The following KIAA1549L variants were observed in gnomAD, a reference collection of about 807,000 sequenced individuals.
The protein encoded by KIAA1549L is UPF0606 protein KIAA1549L.
KIAA1549L carries 88 observed loss-of-function variants against 160.7 expected under a neutral mutation model. The observed-to-expected ratio is 0.55, with a 90% confidence interval of 0.46 to 0.65. The LOEUF is 0.65. KIAA1549L is among the 30% of genes least tolerant of loss of function. The pLI is 0.00. For missense variants in KIAA1549L, 2,258 were observed against 2,437.5 expected, an observed-to-expected ratio of 0.93 and a Z score of 1.55; for synonymous variants, 950 against 976.7, an observed-to-expected ratio of 0.97 and a Z score of 0.51.
At chr11:33,634,614 G>A (rs1157944590) in intron 16 of KIAA1549L, among the ~76,000 whole-genome samples, 1 of 152,178 alleles carries the variant, frequency 6.6e-6, no homozygotes, top group East Asian at 1.9e-4. Context: ...AAGTTGAGCT[G>A]GCACCTAAGA....
intron 1 of KIAA1549L, among the ~76,000 whole-genome samples, chr11:33,452,138 A>G (rs1190787701): frequency 6.6e-6 from 1 of 152,118 alleles, no homozygotes; most frequent in Non-Finnish European, 1.5e-5. Context: ...CCAAAAAACC[A>G]TCTTCATTTG....
At chr11:33,459,170 C>A (rs768972260) in intron 1 of KIAA1549L, among the ~76,000 whole-genome samples, 1 of 152,140 alleles carries the variant, frequency 6.6e-6, no homozygotes, top group Non-Finnish European at 1.5e-5. Flanking sequence ...AATTGATAAT[C>A]GTGTGGAAGA....
chr11:33,524,651 A>G (rs929998790), intron 1 of KIAA1549L, among the ~76,000 whole-genome samples: 4 of 152,190 alleles, frequency 2.6e-5, no homozygotes, highest in African/African-American at 9.7e-5. Flanking sequence ...AGAGTGTTAA[A>G]AATTCTTTGA....
At chr11:33,398,828 T>C (rs1336868679) in intron 1 of KIAA1549L, among the ~76,000 whole-genome samples, 1 of 152,256 alleles carries the variant, frequency 6.6e-6, no homozygotes, top group Non-Finnish European at 1.5e-5. Context: ...AAGTTCCTAG[T>C]TGACATATTA....
rs1483227373 is a variant in KIAA1549L at position 33,435,768 on chromosome 11, A to G, written c.238+58879A>G. Among the ~76,000 whole-genome samples the G allele has an allele frequency of 5.0e-3, 31 of 6,196 alleles. 2 individuals carry two copies. Among genetic ancestry groups the G allele is most frequent in the African/African-American group, 0.029 (30 of 1,052 alleles). The allele number at this position is 6,196 out of a possible 152,430, so 4.1% of individuals were successfully genotyped here. A position where few individuals can be genotyped will look rare whatever the true frequency, so the allele number is the denominator to read the frequency against. On this transcript the variant is annotated intron_variant, in intron 1 of 20. Coordinates refer to ENST00000658780, the MANE Select transcript of KIAA1549L (RefSeq NM_012194.3). ...GAAACAGAACCAATAAGATATATAT[A>G]TATATATATATATATATATATATAT... is the stretch of plus-strand genomic sequence containing the variant.
At chr11:33,382,965 AGT>A (rs1295899378) in intron 1 of KIAA1549L, among the ~76,000 whole-genome samples, 2 of 152,214 alleles carry the variant, frequency 1.3e-5, no homozygotes, top group African/African-American at 2.4e-5. Flanking sequence ...AAAAGAAGAA[AGT>A]GTATTAAATA....
chr11:33,553,382 C>T (rs1416294885), intron 6 of KIAA1549L, among the ~76,000 whole-genome samples: 4 of 152,136 alleles, frequency 2.6e-5, no homozygotes, highest in East Asian at 3.9e-4. Flanking sequence ...TCATCTAGCC[C>T]CCAATTAACT....
intron 9 of KIAA1549L, among the ~76,000 whole-genome samples, chr11:33,572,115 C>T (rs180909662): frequency 6.6e-6 from 1 of 152,108 alleles, no homozygotes; most frequent in East Asian, 1.9e-4. Context: ...CAGCTCACTG[C>T]AACCTCCGCC....
In KIAA1549L at chr11:33,658,794, C is replaced by T; in HGVS notation, c.5903C>T (p.Thr1968Ile). The change falls in exon 19 of 21, where the codon ACA (threonine) becomes ATA (isoleucine). Residue 1968 changes from threonine to isoleucine, a missense_variant. Thr to Ile is a moderately conservative substitution (Grantham distance 89). Transcript: ENST00000658780. ...AGCAAGACCAGAATGGCCGAGTCTA[C>T]AGGGCCCGAGCCGGCCCAGCTGCAC... ...IGSKTRMAES[T>I]GPEPAQLHDS... 1.3e-6 allele frequency: 2 copies of T among 1,568,918 alleles called. No homozygotes were observed. Among genetic ancestry groups the T allele is most frequent in the African/African-American group, 1.4e-5 (1 of 73,536 alleles).
At chr11:33,599,915 C>T (rs1850309881) in intron 13 of KIAA1549L, among the ~76,000 whole-genome samples, 2 of 152,222 alleles carry the variant, frequency 1.3e-5, no homozygotes, top group Non-Finnish European at 2.9e-5. Context: ...CTGCACTTCC[C>T]TTTCAAAGGA....
chr11:33,578,957 T>C (rs1464761981), intron 10 of KIAA1549L, among the ~76,000 whole-genome samples: 1 of 152,184 alleles, frequency 6.6e-6, no homozygotes, highest in Non-Finnish European at 1.5e-5. Context: ...CTGGTTCTAT[T>C]CTTGTGAAGG....
chr11:33,485,005 G>C (rs1852491320), intron 1 of KIAA1549L, among the ~76,000 whole-genome samples: 1 of 152,190 alleles, frequency 6.6e-6, no homozygotes, highest in Non-Finnish European at 1.5e-5. Flanking sequence ...AGGTCAGAAG[G>C]CTTCCTTCAT....
chr11:33,459,789 G>A (rs1272696341), intron 1 of KIAA1549L, among the ~76,000 whole-genome samples: 2 of 150,160 alleles, frequency 1.3e-5, no homozygotes, highest in Non-Finnish European at 3.0e-5. Flanking sequence ...GTGAAACCCC[G>A]TCTCTACTAA....
chr11:33,408,968 A>G (rs1172256748), intron 1 of KIAA1549L, among the ~76,000 whole-genome samples: 1 of 151,046 alleles, frequency 6.6e-6, no homozygotes, highest in Non-Finnish European at 1.5e-5. Context: ...AAAAAAAAAA[A>G]AAATTAGGTA....
At chr11:33,577,156 C>G (rs144511740) in intron 10 of KIAA1549L, among the ~76,000 whole-genome samples, 53 of 151,954 alleles carry the variant, frequency 3.5e-4, no homozygotes, top group African/African-American at 1.3e-3. Flanking sequence ...AACTGCGTGT[C>G]GATTTATATT....
At chr11:33,520,147 A>G (rs959404316) in intron 1 of KIAA1549L, among the ~76,000 whole-genome samples, 1 of 152,124 alleles carries the variant, frequency 6.6e-6, no homozygotes, top group Non-Finnish European at 1.5e-5. Flanking sequence ...GTAAGAGCAC[A>G]TAACATAAAG....
intron 1 of KIAA1549L, among the ~76,000 whole-genome samples, chr11:33,492,910 A>G (rs1002822162): frequency 6.6e-6 from 1 of 152,008 alleles, no homozygotes; most frequent in African/African-American, 2.4e-5. Context: ...ACTAATGTGG[A>G]GGGAGGAGGG....
chr11:33,556,228 C>T (rs1026339765), intron 6 of KIAA1549L, among the ~76,000 whole-genome samples: 2 of 152,130 alleles, frequency 1.3e-5, no homozygotes, highest in Non-Finnish European at 1.5e-5. Context: ...AATAGTGCAT[C>T]CCCCGTGGAA....
Position 33,673,055 on chromosome 11 carries a change from A to G in KIAA1549L, c.*4901A>G, listed in dbSNP as rs1334470363. ...AAAGGCCTCTTGATTTCTTAGGTGAACTGTTACAGAATCCTAGCCTGTGGT... is the reference window on the plus strand; with the variant it reads ...AAAGGCCTCTTGATTTCTTAGGTGAGCTGTTACAGAATCCTAGCCTGTGGT... On this transcript the variant is annotated 3_prime_UTR_variant, in exon 21 of 21. Transcript: ENST00000658780. The G allele has an allele frequency of 6.6e-6, 1 of 152,234 alleles. No individual in the cohort carries two copies. The highest frequency in any genetic ancestry group is 1.5e-5 in the Non-Finnish European group (1 of 68,040). 9.4% of individuals were successfully genotyped at this position (152,234 alleles called of 1,614,324 possible). A position where few individuals can be genotyped will look rare whatever the true frequency, so the allele number is the denominator to read the frequency against.
Sources: allele counts gnomAD v4.1 joint callset (sites outside exome capture counted in the v4.1 genomes callset), GRCh38; gene constraint gnomAD v4.1.1; transcripts MANE v1.5; gene names NCBI Gene and HGNC (gene_info 2026-07-23, HGNC 2026-07-21).